LIPH: variants seen among roughly 807,000 people sequenced by gnomAD.
LIPH encodes lipase member H.
In LIPH, 32 loss-of-function variants were observed where a neutral mutation model predicts 47.6. The ratio of observed to expected loss-of-function variants is 0.67; its 90% CI spans 0.51 to 0.90. LIPH has a LOEUF of 0.90. Among genes scored for constraint, LIPH ranks in the 40% least tolerant of loss-of-function variants. LIPH has a pLI of 0.00. For missense variants in LIPH, 497 were observed against 541.4 expected (o/e 0.92, Z 0.81); for synonymous variants, 190 against 195.6 (o/e 0.97, Z 0.24).
At chr3:185,544,029 T>C (rs1046709318) in intron 1 of LIPH, among the ~76,000 whole-genome samples, 4 of 152,016 alleles carry the variant, frequency 2.6e-5, no homozygotes, top group Non-Finnish European at 5.9e-5. Flanking sequence ...TTTTATATTT[T>C]TAGTAGAGAC....
At chr3:185,546,645 A>G (rs1720883093) in intron 1 of LIPH, among the ~76,000 whole-genome samples, 1 of 152,190 alleles carries the variant, frequency 6.6e-6, no homozygotes, top group African/African-American at 2.4e-5. Context: ...AGAAAAAATC[A>G]AAAAGTTAGC....
intron 7 of LIPH, 60 bp downstream of exon 7, chr3:185,517,007 G>A: frequency 1.8e-6 from 2 of 1,097,756 alleles, no homozygotes; most frequent in Non-Finnish European, 2.8e-6. Flanking sequence ...AGGAAGCTGA[G>A]ACTCAGCCAT....
intron 1 of LIPH, among the ~76,000 whole-genome samples, chr3:185,539,325 C>A (rs904840085): frequency 2.6e-5 from 4 of 151,058 alleles, no homozygotes; most frequent in African/African-American, 9.7e-5. Context: ...CCTACTGTGT[C>A]TTTATCCTTT....
rs1405529136 is a variant in LIPH at position 185,506,584 on chromosome 3, C to T, written c.*2206G>A. 1 of 152,146 alleles carries T rather than the reference C, an allele frequency of 6.6e-6. No homozygotes were observed. The highest frequency in any genetic ancestry group is 1.5e-5 in the Non-Finnish European group (1 of 68,078). 9.4% of individuals were successfully genotyped at this position (152,146 alleles called of 1,614,324 possible). A position where few individuals can be genotyped will look rare whatever the true frequency, so the allele number is the denominator to read the frequency against. On this transcript the variant is annotated 3_prime_UTR_variant, in exon 10 of 10. Transcript: ENST00000296252. Reference sequence around the variant, plus strand: ...GGGCTGCCGGGTACGATGGCTCACACCTGTAATCCCAGAACTTTGAGAGGC... The same window carrying T: ...GGGCTGCCGGGTACGATGGCTCACATCTGTAATCCCAGAACTTTGAGAGGC...
chr3:185,517,156 T>C lies in LIPH; in HGVS notation c.893A>G (p.Tyr298Cys). 3 of 1,572,158 alleles carry C rather than the reference T, an allele frequency of 1.9e-6. No individual in the cohort carries two copies. The highest frequency in any genetic ancestry group is 2.6e-6 in the Non-Finnish European group (3 of 1,141,850). Residue 298 changes from tyrosine to cysteine, a missense_variant, in exon 7 of 10, where the codon TAT becomes TGT. Tyr to Cys is a radical substitution (Grantham distance 194). Transcript: ENST00000296252. ...QKESCPLLGY[Y>C]ADNWKDHLRG... ...TAGATGGTCTTTCCAATTATCAGCA[T>C]AATAGCCTATGAAACAAGTTTAAAA...
At chr3:185,522,744 C>T (rs552301843) in intron 5 of LIPH, among the ~76,000 whole-genome samples, 15 of 152,096 alleles carry the variant, frequency 9.9e-5, no homozygotes, top group Admixed American at 9.8e-4. Context: ...TTTATGTTGC[C>T]CTCTAACTCC....
In LIPH at chr3:185,519,323, G is replaced by A; in HGVS notation, c.719-14C>T. 4 of 1,596,610 alleles carry A rather than the reference G, an allele frequency of 2.5e-6. No homozygotes were observed. In the Admixed American group the frequency reaches 6.7e-5, roughly 27 times the overall value. On this transcript the variant is annotated splice_polypyrimidine_tract_variant and intron_variant, in intron 5 of 9. Transcript: ENST00000296252. The stretch of plus-strand genomic sequence containing the variant: ...AATACTGAAATCCTTGGTTGTAAAA[G>A]AAGTGATGAAAGAGTAGAGCGGTTG...
chr3:185,548,407 T>A (rs1310970253), intron 1 of LIPH, among the ~76,000 whole-genome samples: 1 of 132,592 alleles, frequency 7.5e-6, no homozygotes, highest in Non-Finnish European at 1.6e-5. Flanking sequence ...CTGTCTCACA[T>A]AAAAGGAAAA....
chr3:185,523,609 G>C (rs952556762), intron 5 of LIPH, among the ~76,000 whole-genome samples: 1 of 152,048 alleles, frequency 6.6e-6, no homozygotes, highest in African/African-American at 2.4e-5. Context: ...TCTCCCCTCT[G>C]TTGCCCAGGG....
chr3:185,526,980 C>A (rs1001371153), intron 4 of LIPH, among the ~76,000 whole-genome samples: 1 of 152,174 alleles, frequency 6.6e-6, no homozygotes, highest in Non-Finnish European at 1.5e-5. Context: ...TGGCTCACGC[C>A]TGTAATCCCA....
At position 185,508,748 on chromosome 3, in the gene LIPH, A is replaced by G; in HGVS notation, c.*42T>C. On this transcript the variant is annotated 3_prime_UTR_variant, in exon 10 of 10. Transcript: ENST00000296252. ...AAGCTTTCAAACAGCCTGTGGTTGT[A>G]GCTTTCTTTCTATTATTTATGGCCA... 3.0e-6 allele frequency: 4 copies of G among 1,352,830 alleles called. No homozygotes were observed. Among genetic ancestry groups the G allele is most frequent in the Non-Finnish European group, 4.2e-6 (4 of 941,738 alleles). The allele number at this position is 1,352,830 out of a possible 1,614,324, so 83.8% of individuals were successfully genotyped here.
chr3:185,533,042 C>A (rs1476999456), intron 3 of LIPH, among the ~76,000 whole-genome samples: 1 of 152,132 alleles, frequency 6.6e-6, no homozygotes, highest in Non-Finnish European at 1.5e-5. Context: ...CTACTAAGCC[C>A]TAGGCAGGAG....
chr3:185,549,980 T>C (rs1275309609), intron 1 of LIPH, among the ~76,000 whole-genome samples: 1 of 152,234 alleles, frequency 6.6e-6, no homozygotes, highest in Non-Finnish European at 1.5e-5. Context: ...TACTTTAGTT[T>C]GTTAGCCATT....
At position 185,529,960 on chromosome 3, in the gene LIPH, A is replaced by G. The variant is rs867252346; in HGVS notation, c.527-2375T>C. On this transcript the variant is annotated intron_variant, in intron 3 of 9. Transcript: ENST00000296252. The stretch of plus-strand genomic sequence containing the variant: ...AAAGAAAGAAAGAAAGAAAGAAAGA[A>G]AGAAGGAAAGAAAGAAAGAGAGAGA... Among the ~76,000 whole-genome samples, 88 of 60,910 alleles carry G rather than the reference A, an allele frequency of 1.4e-3. 1 individual carries two copies. Among genetic ancestry groups the G allele is most frequent in the African/African-American group, 4.0e-3 (83 of 20,892 alleles). The allele number at this position is 60,910 out of a possible 152,430, so 40.0% of individuals were successfully genotyped here.
At chr3:185,530,205 A>G (rs1442728840) in intron 3 of LIPH, among the ~76,000 whole-genome samples, 1 of 151,916 alleles carries the variant, frequency 6.6e-6, no homozygotes, top group Non-Finnish European at 1.5e-5. Context: ...TAGGCTGGGC[A>G]CAGTGGCTCA....
Position 185,511,596 on chromosome 3 carries a change from C to A in LIPH, c.1196G>T (p.Gly399Val). Reference protein sequence around the residue: ...VAAISLMFSTGSLIGPRYKLR... With the variant: ...VAAISLMFSTVSLIGPRYKLR... ...CTTGTACCTTGGGCCTATTAGAGAT[C>A]CTGTAGAGAACATCAAGGAAATTGC... The change falls in exon 9 of 10, where the codon GGA becomes GTA. Residue 399 changes from glycine to valine, a missense_variant. Gly to Val is a moderately radical substitution (Grantham distance 109). Transcript: ENST00000296252. 6.2e-7 allele frequency: 1 copy of A among 1,613,892 alleles called. No homozygotes were observed. The highest frequency in any genetic ancestry group is 8.5e-7 in the Non-Finnish European group (1 of 1,179,866).
chr3:185,516,375 G>A (rs758398998), intron 7 of LIPH, among the ~76,000 whole-genome samples: 19 of 152,322 alleles, frequency 1.2e-4, no homozygotes, highest in Non-Finnish European at 2.5e-4. Flanking sequence ...AGAGATTGCA[G>A]TGAGCTGAGA....
intron 1 of LIPH, among the ~76,000 whole-genome samples, chr3:185,543,659 T>C (rs1208901892): frequency 6.6e-6 from 1 of 151,714 alleles, no homozygotes; most frequent in East Asian, 2.0e-4. Context: ...GGCAGGAGGA[T>C]TGCTTAAGCC....
chr3:185,511,612 A>G lies in LIPH; in HGVS notation c.1180T>C (p.Leu394=). 6.2e-7 allele frequency: 1 copy of G among 1,613,356 alleles called. No homozygotes were observed. Among genetic ancestry groups the G allele is most frequent in the Non-Finnish European group, 8.5e-7 (1 of 1,179,286 alleles). The part of the protein sequence containing the change: ...QDLDKVAAIS[L]MFSTGSLIGP... ...ATTAGAGATCCTGTAGAGAACATCAAGGAAATTGCAGCCACTTTATCCAGA... is the reference window on the plus strand; with the variant it reads ...ATTAGAGATCCTGTAGAGAACATCAGGGAAATTGCAGCCACTTTATCCAGA... The change falls in exon 9 of 10, where the codon TTG becomes CTG. Residue 394 remains leucine, a synonymous_variant. Transcript: ENST00000296252.
Sources: gnomAD v4.1 joint callset for allele counts (sites outside exome capture counted in the v4.1 genomes callset) on GRCh38, gnomAD v4.1.1 for gene constraint, MANE v1.5 for transcripts, NCBI Gene and HGNC (gene_info 2026-07-23, HGNC 2026-07-21) for gene names.